ENTPD1: variants seen among roughly 807,000 people sequenced by gnomAD.
ENTPD1 encodes ATP diphosphohydrolase.
In ENTPD1, 33 loss-of-function variants were observed where a neutral mutation model predicts 57.0. That is an observed-to-expected ratio of 0.58 (90% CI 0.44 to 0.77). The LOEUF (loss-of-function observed/expected upper bound fraction) is 0.77. ENTPD1 is among the 30% of genes least tolerant of loss of function. The pLI is 0.00. For synonymous variants in ENTPD1, 202 were observed against 218.8 expected, an observed-to-expected ratio of 0.92 and a Z score of 0.68; for missense variants, 501 against 603.4, an observed-to-expected ratio of 0.83 and a Z score of 1.78.
intron 8 of ENTPD1, among the ~76,000 whole-genome samples, chr10:95,862,088 C>G (rs2140985151): frequency 6.6e-6 from 1 of 152,048 alleles, no homozygotes; most frequent in South Asian, 2.1e-4. Flanking sequence ...GCTGGGAATG[C>G]TTATATTTAG....
chr10:95,765,611 A>T (rs2098085637), intron 1 of ENTPD1, among the ~76,000 whole-genome samples: 1 of 152,214 alleles, frequency 6.6e-6, no homozygotes, highest in Non-Finnish European at 1.5e-5. Context: ...TTTTGAAATC[A>T]GGCAGTGTGA....
intron 1 of ENTPD1, among the ~76,000 whole-genome samples, chr10:95,728,605 A>G (rs1566091946): frequency 6.6e-6 from 1 of 152,190 alleles, no homozygotes; most frequent in Non-Finnish European, 1.5e-5. Flanking sequence ...ATTGCACTAA[A>G]CACAATGAAA....
At chr10:95,857,481 A>T (rs559971267) in intron 7 of ENTPD1, among the ~76,000 whole-genome samples, 62 of 152,314 alleles carry the variant, frequency 4.1e-4, no homozygotes, top group South Asian at 2.5e-3. Context: ...CATGCTCATT[A>T]TAAAAAAACT....
chr10:95,698,839 C>T, the ENTPD1 span, among the ~76,000 whole-genome samples: 1 of 152,204 alleles, frequency 6.6e-6, no homozygotes, highest in Non-Finnish European at 1.5e-5. Flanking sequence ...CCTTGTCAAA[C>T]TCCACATCTA....
intron 1 of ENTPD1, among the ~76,000 whole-genome samples, chr10:95,720,936 C>CCGAGATAAGGAG (rs1289706133): frequency 3.1e-4 from 47 of 152,214 alleles, no homozygotes; most frequent in African/African-American, 1.1e-3. Context: ...TCTCGTTAGT[C>CCGAGATAAGGAG]CAGTTCCACC....
chr10:95,845,048 T>C (rs190687423), intron 5 of ENTPD1, among the ~76,000 whole-genome samples: 2 of 152,252 alleles, frequency 1.3e-5, no homozygotes, highest in African/African-American at 4.8e-5. Flanking sequence ...CTAGAGAGGG[T>C]AATTAGTCTG....
At chr10:95,748,108 C>G (rs956464324) in intron 1 of ENTPD1, among the ~76,000 whole-genome samples, 2 of 152,090 alleles carry the variant, frequency 1.3e-5, no homozygotes, top group African/African-American at 4.8e-5. Context: ...CTCCTGACCT[C>G]GTGATCCGCC....
intron 1 of ENTPD1, among the ~76,000 whole-genome samples, chr10:95,765,567 T>C (rs960729905): frequency 6.6e-6 from 1 of 152,210 alleles, no homozygotes; most frequent in Non-Finnish European, 1.5e-5. Context: ...CTATGTCAAT[T>C]CCACATTTCT....
chr10:95,785,058 G>C (rs2098173619), intron 1 of ENTPD1: 1 of 151,908 alleles, frequency 6.6e-6, no homozygotes, highest in Non-Finnish European at 1.5e-5. Context: ...GGGCAGAGCA[G>C]CAGCCCAAAT....
intron 1 of ENTPD1, among the ~76,000 whole-genome samples, chr10:95,798,813 T>C (rs2098236935): frequency 6.6e-6 from 1 of 152,210 alleles, no homozygotes; most frequent in Non-Finnish European, 1.5e-5. Context: ...ACTCAGAACA[T>C]TGTTGTAACT....
chr10:95,818,701 C>G (rs1181679907), intron 1 of ENTPD1, among the ~76,000 whole-genome samples: 1 of 152,102 alleles, frequency 6.6e-6, no homozygotes, highest in Admixed American at 6.6e-5. Flanking sequence ...ACATATGTGT[C>G]CTCAAGAAGA....
chr10:95,736,742 T>A (rs1017158795), intron 1 of ENTPD1, among the ~76,000 whole-genome samples: 2 of 152,210 alleles, frequency 1.3e-5, no homozygotes, highest in African/African-American at 2.4e-5. Context: ...GCTTCATTTA[T>A]GCACATCGGG....
chr10:95,853,531 C>A (rs1322685419), intron 7 of ENTPD1, among the ~76,000 whole-genome samples: 1 of 152,092 alleles, frequency 6.6e-6, no homozygotes, highest in Non-Finnish European at 1.5e-5. Flanking sequence ...GGAATGCTTC[C>A]AGTTTTTGCC....
rs900338222 is a variant in ENTPD1 at position 95,852,645 on chromosome 10, G to A, written c.1074+4939G>A. 1.0e-3 allele frequency among the ~76,000 whole-genome samples: 159 copies of A among 152,152 alleles called. 1 individual carries two copies. Among genetic ancestry groups the A allele is most frequent in the African/African-American group, 3.1e-3 (128 of 41,526 alleles). On this transcript the variant is annotated intron_variant, in intron 7 of 9. Transcript: ENST00000371205. ...AAGGGATCCAGTTTCAGCTTTCTAC[G>A]TATGGCTAGCCAGTTTTCCCAGCAC...
intron 1 of ENTPD1, among the ~76,000 whole-genome samples, chr10:95,721,927 C>A (rs1355577603): frequency 1.3e-5 from 2 of 152,132 alleles, no homozygotes; most frequent in Non-Finnish European, 2.9e-5. Context: ...ACCAGCATGC[C>A]CAACATTGCC....
rs2098475617 is a variant in ENTPD1, at chr10:95,867,351, T to C, written c.*968T>C. On this transcript the variant is annotated 3_prime_UTR_variant, in exon 10 of 10. Coordinates refer to ENST00000371205, the MANE Select transcript of ENTPD1 (RefSeq NM_001776.6). Reference sequence around the variant, plus strand: ...CCAGAACATTTGCATCATCAATACATTGTCTAGAGACAAGACTATCCTGGG... The same window carrying C: ...CCAGAACATTTGCATCATCAATACACTGTCTAGAGACAAGACTATCCTGGG... 1.0e-6 allele frequency: 1 copy of C among 985,478 alleles called. No homozygotes were observed. The highest frequency in any genetic ancestry group is 1.2e-6 in the Non-Finnish European group (1 of 829,940). 61.0% of individuals were successfully genotyped at this position (985,478 alleles called of 1,614,324 possible).
Position 95,756,219 on chromosome 10 carries a change from G to A in ENTPD1, c.-21G>A. 1 of 1,593,256 alleles carries A rather than the reference G, an allele frequency of 6.3e-7. No individual in the cohort carries two copies. Among genetic ancestry groups the A allele is most frequent in the Non-Finnish European group, 8.6e-7 (1 of 1,169,296 alleles). ...GGGGGGGAAAGACGAGGAAAGAGGA[G>A]GAAAACAAAAGCTGCTACTTATGGA... On this transcript the variant is annotated 5_prime_UTR_variant, in exon 1 of 10. Coordinates refer to ENST00000371205, the MANE Select transcript of ENTPD1 (RefSeq NM_001776.6).
rs575837993 is a variant in ENTPD1, at chr10:95,737,185, C to G, written c.37+25192C>G. Reference sequence around the variant, plus strand: ...GTACAGTCTACTATTCAGTGCAGGACAAAACAGAAATGGTTCCTGCCCTTG... The same window carrying G: ...GTACAGTCTACTATTCAGTGCAGGAGAAAACAGAAATGGTTCCTGCCCTTG... On this transcript the variant is annotated intron_variant, in intron 1 of 9. Transcript: ENST00000453258. Among the ~76,000 whole-genome samples the G allele has an allele frequency of 2.6e-5, 4 of 152,182 alleles. No homozygotes were observed. In the South Asian group the frequency reaches 8.3e-4, roughly 32 times the overall value.
At chr10:95,727,301 G>A (rs1298383469) in intron 1 of ENTPD1, among the ~76,000 whole-genome samples, 1 of 152,086 alleles carries the variant, frequency 6.6e-6, no homozygotes, top group African/African-American at 2.4e-5. Context: ...AAAACATAAG[G>A]CTTCCATTCA....
Sources: allele counts gnomAD v4.1 joint callset (sites outside exome capture counted in the v4.1 genomes callset), GRCh38; gene constraint gnomAD v4.1.1; transcripts MANE v1.5; gene names NCBI Gene and HGNC (gene_info 2026-07-23, HGNC 2026-07-21).